Variants in N4BP2L1 observed in about 807,000 individuals in gnomAD.
The protein encoded by N4BP2L1 is NEDD4-binding protein 2-like 1.
Under a neutral mutation model 21.2 loss-of-function variants are expected in N4BP2L1, and 12 were observed. That is an observed-to-expected ratio of 0.57 (90% CI 0.36 to 0.92). N4BP2L1 has a LOEUF of 0.92. Among genes scored for constraint, N4BP2L1 ranks in the 40% least tolerant of loss-of-function variants. N4BP2L1 has a pLI of 0.01. For missense variants in N4BP2L1, 259 were observed against 310.6 expected, an observed-to-expected ratio of 0.83 and a Z score of 1.25; for synonymous variants, 104 against 112.8, an observed-to-expected ratio of 0.92 and a Z score of 0.49.
At chr13:32,416,408 T>G (rs990312736) in intron 1 of N4BP2L1, 1 of 152,226 alleles carries the variant, frequency 6.6e-6, no homozygotes, top group African/African-American at 2.4e-5. Context: ...CGCTATAAAA[T>G]AACCACATTT....
chr13:32,407,867 A>C lies in N4BP2L1; in HGVS notation c.180-95T>G. On this transcript the variant is annotated intron_variant, in intron 1 of 4. Coordinates refer to ENST00000380130, the MANE Select transcript of N4BP2L1 (RefSeq NM_052818.3). ...TTCCATCTCTAACATTTAGCAGTTT[A>C]TAATTCTGAGACCACCAGGTTTGGA... 3 of 1,398,654 alleles carry C rather than the reference A, an allele frequency of 2.1e-6. No individual in the cohort carries two copies. The South Asian group carries it at 4.2e-5, about 20-fold the overall frequency. 86.6% of individuals were successfully genotyped at this position (1,398,654 alleles called of 1,614,324 possible).
chr13:32,427,968 T>G lies in N4BP2L1; in HGVS notation c.115A>C (p.Ser39Arg), dbSNP rs1323407988. The G allele has an allele frequency of 6.5e-7, 1 of 1,547,362 alleles. No individual in the cohort carries two copies. Among genetic ancestry groups the G allele is most frequent in the South Asian group, 1.2e-5 (1 of 85,286 alleles). Residue 39 changes from serine to arginine, a missense_variant, in exon 1 of 5, where the codon AGC becomes CGC. This residue lies in a region of N4BP2L1 where 60 missense variants were observed against 54.7 expected (regional missense o/e 1.10). Transcript: ENST00000380130. ...PPRGTPPRRHSFRKHLYLLRG... is the reference protein window; with the variant it reads ...PPRGTPPRRHRFRKHLYLLRG... ...AGGAGGTAGAGGTGTTTCCTAAAGC[T>G]GTGGCGGCGAGGAGGTGTCCCCCGC...
chr13:32,415,041 A>G (rs1056039236), intron 1 of N4BP2L1, among the ~76,000 whole-genome samples: 3 of 152,252 alleles, frequency 2.0e-5, no homozygotes, highest in African/African-American at 4.8e-5. Flanking sequence ...AACCCCAGTT[A>G]GTGGATTTCT....
At chr13:32,404,012 T>A (rs971680503) in intron 4 of N4BP2L1, among the ~76,000 whole-genome samples, 3 of 152,210 alleles carry the variant, frequency 2.0e-5, no homozygotes, top group African/African-American at 7.2e-5. Flanking sequence ...CATTGACATG[T>A]GCAGTCCCAT....
chr13:32,412,171 T>G (rs1486419880), intron 1 of N4BP2L1, among the ~76,000 whole-genome samples: 3 of 152,054 alleles, frequency 2.0e-5, no homozygotes, highest in African/African-American at 4.8e-5. Flanking sequence ...CCACCTGAAC[T>G]TCTCCCGCCA....
chr13:32,404,417 T>C lies in N4BP2L1; in HGVS notation c.397-20A>G, dbSNP rs569882860. On this transcript the variant is annotated intron_variant, in intron 3 of 4. Coordinates refer to ENST00000380130, the MANE Select transcript of N4BP2L1 (RefSeq NM_052818.3). Reference sequence around the variant, plus strand: ...AAGTGCCTGATTTTTCAAAAGTACATAAAACATTGAAGACATAGTATGTAT... The same window carrying C: ...AAGTGCCTGATTTTTCAAAAGTACACAAAACATTGAAGACATAGTATGTAT... The C allele has an allele frequency of 2.6e-6, 4 of 1,559,272 alleles. No individual in the cohort carries two copies. The highest frequency in any genetic ancestry group is 3.5e-6 in the Non-Finnish European group (4 of 1,133,318).
At position 32,417,617 on chromosome 13, in the gene N4BP2L1, A is replaced by G. The variant is rs1285703769; in HGVS notation, c.180-9845T>C. Among the ~76,000 whole-genome samples, 3 of 152,220 alleles carry G rather than the reference A, an allele frequency of 2.0e-5. No individual in the cohort carries two copies. The East Asian group carries it at 5.8e-4, about 29-fold the overall frequency. ...ATGGGGCACTGCTGTAAAGATACCC[A>G]AAGATGTGAAAGCAACTTTGGAACT... On this transcript the variant is annotated intron_variant, in intron 1 of 4. Transcript: ENST00000380130.
chr13:32,407,062 A>G (rs2073558677), intron 3 of N4BP2L1, 188 bp downstream of exon 3: 1 of 605,792 alleles, frequency 1.7e-6, no homozygotes, highest in Admixed American at 3.0e-5. Flanking sequence ...TGAGATTAGC[A>G]TCTCAGCAAA....
Position 32,402,897 on chromosome 13 carries a change from T to C in N4BP2L1, c.*45A>G. On this transcript the variant is annotated 3_prime_UTR_variant, in exon 5 of 5. Coordinates refer to ENST00000380130, the MANE Select transcript of N4BP2L1 (RefSeq NM_052818.3). ...CAACAAAAAATAACAAAAACTGAAG[T>C]AGAAACTGACTTAGGAAAATTCTGC... is the stretch of plus-strand genomic sequence containing the variant. 6.6e-7 allele frequency: 1 copy of C among 1,518,524 alleles called. No individual in the cohort carries two copies. Among genetic ancestry groups the C allele is most frequent in the African/African-American group, 1.4e-5 (1 of 71,962 alleles). The allele number at this position is 1,518,524 out of a possible 1,614,324, so 94.1% of individuals were successfully genotyped here.
chr13:32,412,260 C>T (rs561978523), intron 1 of N4BP2L1, among the ~76,000 whole-genome samples: 2 of 152,254 alleles, frequency 1.3e-5, no homozygotes, highest in South Asian at 2.1e-4. Context: ...TACCCTTCAT[C>T]TATGGTCACC....
chr13:32,409,043 T>C (rs969203823), intron 1 of N4BP2L1, among the ~76,000 whole-genome samples: 5 of 152,232 alleles, frequency 3.3e-5, no homozygotes, highest in African/African-American at 1.2e-4. Flanking sequence ...TAAGGCACTT[T>C]ACAAAAGTAA....
intron 1 of N4BP2L1, among the ~76,000 whole-genome samples, chr13:32,427,077 C>A (rs1027629203): frequency 1.3e-5 from 2 of 152,262 alleles, no homozygotes; most frequent in Non-Finnish European, 2.9e-5. Flanking sequence ...CAGGCTGGAG[C>A]GGTGGGGCCT....
At chr13:32,407,477 A>G in intron 2 of N4BP2L1, 139 bp from the exon 3 acceptor site, 1 of 1,577,366 alleles carries the variant, frequency 6.3e-7, no homozygotes, top group Non-Finnish European at 8.6e-7. Flanking sequence ...TCAATCAATA[A>G]TTTTCTTTCT....
In N4BP2L1 at chr13:32,428,104, G is replaced by C; in HGVS notation, c.-22C>G. Reference sequence around the variant, plus strand: ...CCATGGGCAGGAGGGCTGGCTGCGAGAGCCCCGGGTTCCCTTTACTGAAGT... The same window carrying C: ...CCATGGGCAGGAGGGCTGGCTGCGACAGCCCCGGGTTCCCTTTACTGAAGT... On this transcript the variant is annotated 5_prime_UTR_variant, in exon 1 of 5. Coordinates refer to ENST00000380130, the MANE Select transcript of N4BP2L1 (RefSeq NM_052818.3). 7.0e-7 allele frequency: 1 copy of C among 1,433,916 alleles called. No homozygotes were observed. The highest frequency in any genetic ancestry group is 9.2e-7 in the Non-Finnish European group (1 of 1,090,102). The allele number at this position is 1,433,916 out of a possible 1,614,324, so 88.8% of individuals were successfully genotyped here.
Position 32,421,937 on chromosome 13 carries a change from G to A in N4BP2L1, c.179+5967C>T, listed in dbSNP as rs79781111. ...TATGTAGGGGAAGGTTCATGAAACT[G>A]CCATGAAGGAACTAAGGCATTGACT... On this transcript the variant is annotated intron_variant, in intron 1 of 4. Coordinates refer to ENST00000380130, the MANE Select transcript of N4BP2L1 (RefSeq NM_052818.3). Among the ~76,000 whole-genome samples the A allele has an allele frequency of 9.9e-3, 1,508 of 152,270 alleles. 9 individuals carry two copies. The highest frequency in any genetic ancestry group is 0.017 in the Non-Finnish European group (1,151 of 68,014).
At chr13:32,418,206 G>C (rs2074257899) in intron 1 of N4BP2L1, among the ~76,000 whole-genome samples, 1 of 152,190 alleles carries the variant, frequency 6.6e-6, no homozygotes, top group Non-Finnish European at 1.5e-5. Context: ...GGGCCCCCCT[G>C]CTGTGTGCAG....
At chr13:32,411,283 G>A (rs2073841849) in intron 1 of N4BP2L1, among the ~76,000 whole-genome samples, 1 of 151,140 alleles carries the variant, frequency 6.6e-6, no homozygotes, top group South Asian at 2.1e-4. Flanking sequence ...TAACAAACAG[G>A]CAGACAAAAC....
intron 1 of N4BP2L1, among the ~76,000 whole-genome samples, chr13:32,408,827 A>G (rs1210453840): frequency 6.6e-6 from 1 of 152,272 alleles, no homozygotes; most frequent in African/African-American, 2.4e-5. Flanking sequence ...GGTCTTCTCC[A>G]TGGAGCAGAA....
intron 4 of N4BP2L1, 111 bp downstream of exon 4, chr13:32,404,210 G>A (rs1426722240): frequency 5.0e-6 from 8 of 1,605,940 alleles, no homozygotes; most frequent in Non-Finnish European, 6.8e-6. Flanking sequence ...TACCATTTCT[G>A]GCCTGAAAAC....
Sources: gnomAD v4.1 joint callset for allele counts (sites outside exome capture counted in the v4.1 genomes callset) on GRCh38, gnomAD v4.1.1 for gene constraint, gnomAD v4.1.1 regional missense constraint, MANE v1.5 for transcripts, NCBI Gene and HGNC (gene_info 2026-07-23, HGNC 2026-07-21) for gene names.